Variants in RAPGEF6 observed in about 807,000 individuals in gnomAD.
The protein encoded by RAPGEF6 is PDZ domain containing guanine nucleotide exchange factor (GEF) 2.
In RAPGEF6, 56 loss-of-function variants were observed where a neutral mutation model predicts 171.4. The ratio of observed to expected loss-of-function variants is 0.33; its 90% confidence interval spans 0.26 to 0.41. RAPGEF6 has a LOEUF of 0.41. Ranked by LOEUF, RAPGEF6 falls within the 10% of genes least tolerant of loss-of-function variation. RAPGEF6 has a pLI of 1.00. For synonymous variants in RAPGEF6, 692 were observed against 650.1 expected, an observed-to-expected ratio of 1.06 and a Z score of -0.98; for missense variants, 1,674 against 1,921.4, an observed-to-expected ratio of 0.87 and a Z score of 2.41.
chr5:131,431,337 C>T lies in RAPGEF6; in HGVS notation c.3987G>A (p.Leu1329=), dbSNP rs1474844111. The T allele has an allele frequency of 6.3e-7, 1 of 1,590,724 alleles. No homozygotes were observed. The highest frequency in any genetic ancestry group is 1.3e-5 in the African/African-American group (1 of 74,106). Residue 1329 remains leucine, a synonymous_variant, in exon 26 of 28, where the codon TTG becomes TTA. Coordinates refer to ENST00000509018, the MANE Select transcript of RAPGEF6 (RefSeq NM_016340.6). ...HSQHGPGWTL[L]KPSLIKCLAV... ...CTAAACACTTGATTAGAGATGGCTT[C>T]AAGAGTGTCCACCTAAAATTGGAGA...
rs377112442 is a variant in RAPGEF6 at position 131,505,353 on chromosome 5, G to T, written c.1101+11C>A. ...ACAGACAAGAAGACTTGACCAAAGA[G>T]ATAATCTTACCTGACAATCATCTAC... On this transcript the variant is annotated intron_variant, in intron 10 of 27. Transcript: ENST00000509018. 1.9e-6 allele frequency: 3 copies of T among 1,612,862 alleles called. No homozygotes were observed. Among genetic ancestry groups the T allele is most frequent in the South Asian group, 2.2e-5 (2 of 90,970 alleles).
chr5:131,586,010 CAT>C lies in RAPGEF6; in HGVS notation c.281+6371_281+6372del, dbSNP rs1420536943. Among the ~76,000 whole-genome samples, 4 of 152,296 alleles carry C rather than the reference CAT, an allele frequency of 2.6e-5. No individual in the cohort carries two copies. The East Asian group carries it at 5.8e-4, about 22-fold the overall frequency. On this transcript the variant is annotated intron_variant, in intron 4 of 27. Transcript: ENST00000509018. ...AATTGTGCTCTGACCACCTTGAGCA[CAT>C]GTCATGAGGACCTCCTGAGGCTGTG...
At chr5:131,559,806 T>C (rs1761476247) in intron 5 of RAPGEF6, among the ~76,000 whole-genome samples, 1 of 144,426 alleles carries the variant, frequency 6.9e-6, no homozygotes, top group Non-Finnish European at 1.5e-5. Flanking sequence ...CACCGCACAC[T>C]CTACTCTCGG....
chr5:131,493,988 C>T (rs1756463085), intron 13 of RAPGEF6, among the ~76,000 whole-genome samples: 1 of 152,138 alleles, frequency 6.6e-6, no homozygotes, highest in Non-Finnish European at 1.5e-5. Flanking sequence ...TGAAAGGGAC[C>T]AAATTTGCCA....
intron 24 of RAPGEF6, among the ~76,000 whole-genome samples, chr5:131,435,369 T>C (rs538799876): frequency 6.6e-6 from 1 of 152,314 alleles, no homozygotes; most frequent in East Asian, 1.9e-4. Context: ...ATGTAATAAG[T>C]AAATTAAAAA....
At chr5:131,550,121 T>G (rs1434651782) in intron 5 of RAPGEF6, among the ~76,000 whole-genome samples, 1 of 152,166 alleles carries the variant, frequency 6.6e-6, no homozygotes, top group African/African-American at 2.4e-5. Flanking sequence ...TAATGCTCTT[T>G]CATTCCCATT....
chr5:131,493,161 T>C (rs147429092), intron 13 of RAPGEF6, among the ~76,000 whole-genome samples: 12,048 of 152,016 alleles, frequency 0.079, 1,209 homozygotes, highest in African/African-American at 0.24. Flanking sequence ...ACCTCCCGGG[T>C]TCATGCCATT....
At chr5:131,512,223 A>G (rs1757780754) in intron 7 of RAPGEF6, among the ~76,000 whole-genome samples, 1 of 152,164 alleles carries the variant, frequency 6.6e-6, no homozygotes, top group African/African-American at 2.4e-5. Context: ...GCAAGCAAGG[A>G]AAAATAAGCA....
chr5:131,427,828 C>T (rs979557493), intron 27 of RAPGEF6, among the ~76,000 whole-genome samples: 17 of 152,148 alleles, frequency 1.1e-4, no homozygotes, highest in African/African-American at 2.9e-4. Flanking sequence ...ACCATCAGTG[C>T]GGGGTACAGT....
intron 4 of RAPGEF6, among the ~76,000 whole-genome samples, chr5:131,566,238 T>A (rs1761927527): frequency 6.6e-6 from 1 of 152,118 alleles, no homozygotes; most frequent in Non-Finnish European, 1.5e-5. Flanking sequence ...ATTCCCTATA[T>A]CAGAAAGTTC....
Position 131,484,491 on chromosome 5 carries a change from A to G in RAPGEF6, c.1841-4738T>C, listed in dbSNP as rs74998867. Among the ~76,000 whole-genome samples the G allele has an allele frequency of 9.7e-4, 147 of 152,224 alleles. No individual in the cohort carries two copies. The East Asian group carries it at 0.015, about 16-fold the overall frequency. ...GGGCCTCCCAAAGCGCTGGGATTAC[A>G]GGCGTGAGCCACTGTGCCTGGCCAA... On this transcript the variant is annotated intron_variant, in intron 15 of 27. Coordinates refer to ENST00000509018, the MANE Select transcript of RAPGEF6 (RefSeq NM_016340.6).
chr5:131,575,766 C>T (rs1270420927), intron 4 of RAPGEF6, among the ~76,000 whole-genome samples: 1 of 152,146 alleles, frequency 6.6e-6, no homozygotes, highest in Non-Finnish European at 1.5e-5. Flanking sequence ...TTACATATGG[C>T]TGAAAAACAA....
rs547110781 is a variant in RAPGEF6, at chr5:131,511,238, A to G, written c.628-747T>C. 6 of 152,276 alleles carry G rather than the reference A, an allele frequency of 3.9e-5. No homozygotes were observed. The East Asian group carries it at 1.2e-3, about 29-fold the overall frequency. The allele number at this position is 152,276 out of a possible 1,614,324, so 9.4% of individuals were successfully genotyped here. A position where few individuals can be genotyped will look rare whatever the true frequency, so the allele number is the denominator to read the frequency against. ...GAAAATAATGAAAATGTCTTTTAGA[A>G]GATAAAATGGTACTAAGTAGATTCT... On this transcript the variant is annotated intron_variant, in intron 7 of 27. Coordinates refer to ENST00000509018, the MANE Select transcript of RAPGEF6 (RefSeq NM_016340.6).
Position 131,544,832 on chromosome 5 carries a change from G to A in RAPGEF6, c.495+3215C>T, listed in dbSNP as rs559177678. Among the ~76,000 whole-genome samples, 4 of 152,158 alleles carry A rather than the reference G, an allele frequency of 2.6e-5. No homozygotes were observed. The East Asian group carries it at 7.7e-4, about 29-fold the overall frequency. On this transcript the variant is annotated intron_variant, in intron 6 of 27. Coordinates refer to ENST00000509018, the MANE Select transcript of RAPGEF6 (RefSeq NM_016340.6). The stretch of plus-strand genomic sequence containing the variant: ...CAAGTAGCTGGGATTACAGGCAAGC[G>A]CCACCATGTCTGGCTAATTTTTGTA...
intron 24 of RAPGEF6, among the ~76,000 whole-genome samples, chr5:131,437,801 T>C (rs1752108197): frequency 6.6e-6 from 1 of 152,234 alleles, no homozygotes; most frequent in Admixed American, 6.5e-5. Flanking sequence ...AATGGAGCTA[T>C]GGTGTCCTGA....
At chr5:131,518,244 TA>T (rs1439559276) in intron 7 of RAPGEF6, among the ~76,000 whole-genome samples, 4 of 151,988 alleles carry the variant, frequency 2.6e-5, no homozygotes, top group Non-Finnish European at 5.9e-5. Context: ...ACATATGAGA[TA>T]TAAAAAATAT....
intron 6 of RAPGEF6, among the ~76,000 whole-genome samples, chr5:131,547,558 G>A (rs1388554852): frequency 6.8e-6 from 1 of 146,956 alleles, no homozygotes; most frequent in African/African-American, 2.5e-5. Flanking sequence ...CGACCAGGCT[G>A]GAATGCAGTG....
intron 13 of RAPGEF6, among the ~76,000 whole-genome samples, chr5:131,494,254 G>A (rs970911936): frequency 5.3e-5 from 8 of 152,184 alleles, no homozygotes; most frequent in Non-Finnish European, 1.2e-4. Flanking sequence ...AAAACACTAT[G>A]CTGCATTACT....
At chr5:131,436,488 T>C (rs1489030290) in intron 24 of RAPGEF6, 3 of 1,063,964 alleles carry the variant, frequency 2.8e-6, no homozygotes, top group Non-Finnish European at 3.9e-6. Context: ...ATCTGAAAAA[T>C]TGAAATCTAG....
Sources: gnomAD v4.1 joint callset for allele counts (sites outside exome capture counted in the v4.1 genomes callset) on GRCh38, gnomAD v4.1.1 for gene constraint, MANE v1.5 for transcripts, NCBI Gene and HGNC (gene_info 2026-07-23, HGNC 2026-07-21) for gene names.